The following CSMD1 variants were observed in gnomAD, a reference collection of about 807,000 sequenced individuals.
CSMD1 encodes the protein CUB and sushi domain-containing protein 1.
Under a neutral mutation model 417.5 loss-of-function variants are expected in CSMD1, and 213 were observed. The ratio of observed to expected loss-of-function variants is 0.51; its 90% confidence interval spans 0.46 to 0.57. CSMD1 has a LOEUF of 0.57. Among genes scored for constraint, CSMD1 ranks in the 20% least tolerant of loss-of-function variants. The pLI is 0.00. For synonymous variants in CSMD1, 2,862 were observed against 1,736.8 expected (o/e 1.65, Z -16.11); for missense variants, 6,923 against 4,529.7 (o/e 1.53, Z -15.17).
intron 3 of CSMD1, among the ~76,000 whole-genome samples, chr8:4,341,971 G>C (rs143250914): frequency 1.6e-4 from 24 of 152,228 alleles, no homozygotes; most frequent in Admixed American, 4.6e-4. Flanking sequence ...CCTGGTTCAA[G>C]AGACGAAAGT....
intron 1 of CSMD1, among the ~76,000 whole-genome samples, chr8:4,867,275 C>T (rs994870264): frequency 6.6e-6 from 1 of 152,046 alleles, no homozygotes; most frequent in African/African-American, 2.4e-5. Flanking sequence ...ACACTCCCTA[C>T]TCATCAATGT....
At chr8:4,127,360 C>G (rs910546323) in intron 3 of CSMD1, among the ~76,000 whole-genome samples, 10 of 149,764 alleles carry the variant, frequency 6.7e-5, no homozygotes, top group African/African-American at 2.5e-4. Flanking sequence ...CCTTCTTTAT[C>G]CTTCAGCTTC....
intron 10 of CSMD1, among the ~76,000 whole-genome samples, chr8:3,528,304 G>A (rs924122801): frequency 6.6e-6 from 1 of 152,248 alleles, no homozygotes; most frequent in Admixed American, 6.5e-5. Context: ...TTTGCTAATA[G>A]CTCAGTGCCA....
intron 3 of CSMD1, among the ~76,000 whole-genome samples, chr8:4,128,730 T>G (rs1802913363): frequency 6.6e-6 from 1 of 152,072 alleles, no homozygotes; most frequent in Non-Finnish European, 1.5e-5. Context: ...GCTGGATACT[T>G]ATACTTTCAT....
At chr8:4,716,565 T>C (rs997554039) in intron 1 of CSMD1, among the ~76,000 whole-genome samples, 6 of 152,234 alleles carry the variant, frequency 3.9e-5, no homozygotes, top group African/African-American at 7.2e-5. Flanking sequence ...TAGGCACAGA[T>C]GTTAAAGGAA....
At chr8:4,496,352 A>G (rs1034646082) in intron 2 of CSMD1, among the ~76,000 whole-genome samples, 3 of 152,182 alleles carry the variant, frequency 2.0e-5, no homozygotes, top group African/African-American at 7.2e-5. Flanking sequence ...GCCTCCAGTG[A>G]TCAGCAGCGC....
chr8:4,489,603 T>G (rs905720353), intron 2 of CSMD1, among the ~76,000 whole-genome samples: 1 of 152,002 alleles, frequency 6.6e-6, no homozygotes, highest in Non-Finnish European at 1.5e-5. Context: ...TACCTTCTCT[T>G]TAGTGTGGCA....
chr8:4,772,808 G>A (rs192613387), intron 1 of CSMD1, among the ~76,000 whole-genome samples: 306 of 152,198 alleles, frequency 2.0e-3, no homozygotes, highest in Non-Finnish European at 3.5e-3. Flanking sequence ...ATCTAATTTC[G>A]GATACTAACA....
intron 1 of CSMD1, among the ~76,000 whole-genome samples, chr8:4,764,896 AACAAC>A (rs1478018183): frequency 0.016 from 207 of 13,062 alleles, no homozygotes; most frequent in African/African-American, 0.057. Context: ...AAAAAAAAAC[AACAAC>A]AACAAAAAAA....
intron 37 of CSMD1, among the ~76,000 whole-genome samples, chr8:3,168,054 G>GAA (rs34284607): frequency 8.5e-5 from 11 of 128,710 alleles, no homozygotes; most frequent in African/African-American, 2.6e-4. Flanking sequence ...ATCACAATTA[G>GAA]AAAAAAAAAA....
chr8:3,965,758 C>T (rs890277899), intron 5 of CSMD1, among the ~76,000 whole-genome samples: 1 of 152,102 alleles, frequency 6.6e-6, no homozygotes, highest in Non-Finnish European at 1.5e-5. Context: ...GCTGGGACTA[C>T]AGGCATGTGA....
chr8:3,901,807 G>A (rs1332040971), intron 5 of CSMD1, among the ~76,000 whole-genome samples: 2 of 152,170 alleles, frequency 1.3e-5, no homozygotes, highest in Non-Finnish European at 2.9e-5. Context: ...AGCTCTTGGG[G>A]TGTTCACAAG....
chr8:4,518,361 T>G (rs1441093132), intron 2 of CSMD1, among the ~76,000 whole-genome samples: 5 of 152,118 alleles, frequency 3.3e-5, no homozygotes, highest in Admixed American at 2.6e-4. Flanking sequence ...AATTTGTGAT[T>G]CCTTAAAAAT....
At chr8:3,657,267 C>T (rs1467126152) in intron 7 of CSMD1, among the ~76,000 whole-genome samples, 2 of 152,122 alleles carry the variant, frequency 1.3e-5, no homozygotes, top group Admixed American at 6.5e-5. Flanking sequence ...TATATGCCAA[C>T]AGTGAACAAT....
chr8:4,406,516 T>A (rs970537377), intron 3 of CSMD1, among the ~76,000 whole-genome samples: 2 of 152,192 alleles, frequency 1.3e-5, no homozygotes, highest in African/African-American at 4.8e-5. Flanking sequence ...CTAGTTGATA[T>A]TACTTTTCAT....
At chr8:3,836,268 G>A (rs961858979) in intron 5 of CSMD1, among the ~76,000 whole-genome samples, 1 of 152,030 alleles carries the variant, frequency 6.6e-6, no homozygotes, top group Non-Finnish European at 1.5e-5. Flanking sequence ...TCACAATGTG[G>A]CATTAAAAAA....
At chr8:4,019,241 A>C (rs1294676780) in intron 4 of CSMD1, among the ~76,000 whole-genome samples, 1 of 152,204 alleles carries the variant, frequency 6.6e-6, no homozygotes. Context: ...GTTAGGTCAG[A>C]GGCACTCTCT....
intron 1 of CSMD1, among the ~76,000 whole-genome samples, chr8:4,732,382 T>TGG (rs1563244601): frequency 4.3e-4 from 51 of 117,682 alleles, no homozygotes; most frequent in Non-Finnish European, 6.6e-4. Context: ...TGTGTGTGTG[T>TGG]AGTGTTTTTC....
Position 3,284,359 on chromosome 8 carries a change from A to G in CSMD1, c.3951-13T>C, listed in dbSNP as rs757123151. The G allele has an allele frequency of 1.2e-6, 2 of 1,601,072 alleles. No individual in the cohort carries two copies. The highest frequency in any genetic ancestry group is 2.2e-5 in the South Asian group (2 of 90,632). The stretch of plus-strand genomic sequence containing the variant: ...AATGAAATGGAGGCTGCAAGAGAGA[A>G]CACAGTAGCGCTACTTGCCGTGCAT... On this transcript the variant is annotated splice_polypyrimidine_tract_variant and intron_variant, in intron 25 of 69. Coordinates refer to ENST00000635120, the MANE Select transcript of CSMD1 (RefSeq NM_033225.6).
Sources: gnomAD v4.1 joint callset for allele counts (sites outside exome capture counted in the v4.1 genomes callset) on GRCh38, gnomAD v4.1.1 for gene constraint, MANE v1.5 for transcripts, NCBI Gene and HGNC (gene_info 2026-07-23, HGNC 2026-07-21) for gene names.